The following ARHGEF28 variants were observed in gnomAD, a reference collection of about 807,000 sequenced individuals.
ARHGEF28 encodes Rho guanine nucleotide exchange factor 28.
Under a neutral mutation model 206.6 loss-of-function variants are expected in ARHGEF28, and 152 were observed. The ratio of observed to expected loss-of-function variants is 0.74; its 90% CI spans 0.64 to 0.84. The LOEUF is 0.84. ARHGEF28 is among the 40% of genes least tolerant of loss of function. The probability of loss-of-function intolerance (pLI) is 0.00; values close to 1 mark genes in which losing one functional copy is unlikely to be tolerated. For synonymous variants in ARHGEF28, 763 were observed against 776.4 expected (o/e 0.98, Z 0.29); for missense variants, 2,028 against 2,073.2 (o/e 0.98, Z 0.42).
chr5:73,773,249 C>G (rs1441762502), intron 4 of ARHGEF28, among the ~76,000 whole-genome samples: 1 of 152,198 alleles, frequency 6.6e-6, no homozygotes, highest in Non-Finnish European at 1.5e-5. Context: ...AGGGGCCTTA[C>G]AGGTCGAGCC....
intron 9 of ARHGEF28, among the ~76,000 whole-genome samples, chr5:73,798,786 G>A (rs896495676): frequency 1.1e-4 from 17 of 152,184 alleles, no homozygotes; most frequent in Admixed American, 8.5e-4. Context: ...GGCACTAAAC[G>A]TGATTAAGAA....
chr5:73,940,853 C>A lies in ARHGEF28; in HGVS notation c.4958C>A (p.Thr1653Asn). 6.6e-7 allele frequency: 1 copy of A among 1,512,668 alleles called. No individual in the cohort carries two copies. Among genetic ancestry groups the A allele is most frequent in the Admixed American group, 2.2e-5 (1 of 45,870 alleles). 93.7% of individuals were successfully genotyped at this position (1,512,668 alleles called of 1,614,324 possible). ...SKDSCKNDLD[T>N]SHTESPTPHD... ...TGTCTGTTTCTTGCAGATTTGGACA[C>A]CTCCCACACTGAGTCCCCAACCCCC... Residue 1653 changes from threonine to asparagine, a missense_variant, in exon 36 of 36, where the codon ACC becomes AAC. Thr to Asn is a moderately conservative substitution (Grantham distance 65). Around this residue, in one of 3 missense-constraint regions of ARHGEF28, gnomAD observed 803 missense variants for 768.0 expected, o/e 1.05. Transcript: ENST00000513042.
intron 1 of ARHGEF28, among the ~76,000 whole-genome samples, chr5:73,633,407 G>A (rs1203169071): frequency 6.6e-6 from 1 of 152,010 alleles, no homozygotes; most frequent in East Asian, 1.9e-4. Flanking sequence ...GGAGACTCAT[G>A]GCCTGCTGCT....
chr5:73,796,059 A>G (rs1754786350), intron 9 of ARHGEF28, among the ~76,000 whole-genome samples: 1 of 152,064 alleles, frequency 6.6e-6, no homozygotes, highest in Non-Finnish European at 1.5e-5. Flanking sequence ...CCTCCCAGGT[A>G]CTCTCTATTT....
At chr5:73,877,085 G>A (rs1760557061) in intron 22 of ARHGEF28, among the ~76,000 whole-genome samples, 1 of 118,960 alleles carries the variant, frequency 8.4e-6, no homozygotes, top group African/African-American at 3.5e-5. Context: ...ATTGATTATT[G>A]CCCCAATTTC....
intron 9 of ARHGEF28, among the ~76,000 whole-genome samples, chr5:73,826,908 G>A (rs1756948270): frequency 6.6e-6 from 1 of 152,210 alleles, no homozygotes; most frequent in Non-Finnish European, 1.5e-5. Context: ...GTGAGAATAG[G>A]AGAGAGGAGA....
intron 35 of ARHGEF28, among the ~76,000 whole-genome samples, chr5:73,919,518 A>G (rs402487): frequency 0.1 from 15,659 of 152,234 alleles, 1,032 homozygotes; most frequent in South Asian, 0.21. Context: ...CTCTGACAAC[A>G]TGACTGAACA....
intron 4 of ARHGEF28, among the ~76,000 whole-genome samples, chr5:73,770,725 A>T (rs1476273391): frequency 6.6e-6 from 1 of 152,204 alleles, no homozygotes; most frequent in African/African-American, 2.4e-5. Context: ...ACTGAATGAG[A>T]AAGCTCTCTC....
chr5:73,904,474 C>G (rs1762445136), intron 33 of ARHGEF28, 69 bp downstream of exon 33: 1 of 1,464,986 alleles, frequency 6.8e-7, no homozygotes, highest in East Asian at 2.3e-5. Flanking sequence ...TGATGATTCC[C>G]AGACTTTAAA....
At chr5:73,708,432 C>T (rs532380931) in intron 2 of ARHGEF28, among the ~76,000 whole-genome samples, 86 of 152,220 alleles carry the variant, frequency 5.6e-4, no homozygotes, top group Middle Eastern at 3.4e-3. Context: ...TTAGCTCCCA[C>T]TTATACTTGG....
chr5:73,716,182 A>G (rs891525622), intron 2 of ARHGEF28, among the ~76,000 whole-genome samples: 4 of 152,100 alleles, frequency 2.6e-5, no homozygotes, highest in Admixed American at 6.5e-5. Flanking sequence ...TCCTAAATTA[A>G]TGTTGTCACC....
chr5:73,833,766 G>A (rs972769201), intron 10 of ARHGEF28, among the ~76,000 whole-genome samples: 1 of 152,078 alleles, frequency 6.6e-6, no homozygotes, highest in African/African-American at 2.4e-5. Context: ...AAATAATGGC[G>A]GAAGATACCT....
rs769853685 is a variant in ARHGEF28, at chr5:73,870,196, G to A, written c.2553G>A (p.Gln851=). The A allele has an allele frequency of 1.9e-6, 3 of 1,613,626 alleles. No homozygotes were observed. The highest frequency in any genetic ancestry group is 1.1e-5 in the South Asian group (1 of 90,984). The change falls in exon 21 of 36, where the codon CAG becomes CAA. Residue 851 remains glutamine, a synonymous_variant. Transcript: ENST00000513042. Reference sequence around the variant, plus strand: ...AGGAGAAGGATGTCATCAAAAGACAGGATGTCATTTTTGGTAAGCGTTTCA... The same window carrying A: ...AGGAGAAGGATGTCATCAAAAGACAAGATGTCATTTTTGGTAAGCGTTTCA... ...NRQEKDVIKR[Q]DVIFELMQTE... is the part of the protein sequence containing the mutation.
intron 2 of ARHGEF28, among the ~76,000 whole-genome samples, chr5:73,686,174 T>C (rs987301228): frequency 6.6e-6 from 1 of 152,092 alleles, no homozygotes; most frequent in African/African-American, 2.4e-5. Context: ...AATGTGCCTG[T>C]AGACAGTTGG....
chr5:73,667,034 G>A (rs1359131838), intron 1 of ARHGEF28, among the ~76,000 whole-genome samples: 1 of 150,024 alleles, frequency 6.7e-6, no homozygotes, highest in Non-Finnish European at 1.5e-5. Context: ...CCACTCCGTG[G>A]TTGGTGGTCT....
At chr5:73,647,697 A>G (rs1294592162) in intron 1 of ARHGEF28, among the ~76,000 whole-genome samples, 1 of 152,256 alleles carries the variant, frequency 6.6e-6, no homozygotes, top group Admixed American at 6.5e-5. Flanking sequence ...GAACAGCTTT[A>G]GCTGGTTAGC....
At chr5:73,741,445 A>C (rs1052596521) in intron 2 of ARHGEF28, among the ~76,000 whole-genome samples, 1 of 113,836 alleles carries the variant, frequency 8.8e-6, no homozygotes, top group African/African-American at 3.4e-5. Flanking sequence ...ATATATATGT[A>C]TACTCACTCT....
At chr5:73,690,088 C>A (rs1439324145) in intron 2 of ARHGEF28, among the ~76,000 whole-genome samples, 1 of 149,120 alleles carries the variant, frequency 6.7e-6, no homozygotes, top group Non-Finnish European at 1.5e-5. Flanking sequence ...TTCACGTTGC[C>A]GTGAGAAAGT....
chr5:73,840,669 A>G lies in ARHGEF28; in HGVS notation c.1336A>G (p.Met446Val), dbSNP rs1579969645. The change falls in exon 11 of 36, where the codon ATG (methionine) becomes GTG (valine). Residue 446 changes from methionine to valine, a missense_variant. Transcript: ENST00000513042. ...TAHTEAQQSF[M>V]SPSSSCASNL... Reference sequence around the variant, plus strand: ...ACACACTGAAGCCCAGCAGTCCTTCATGTCACCATCAAGTTCGTGTGCTTC... The same window carrying G: ...ACACACTGAAGCCCAGCAGTCCTTCGTGTCACCATCAAGTTCGTGTGCTTC... The G allele has an allele frequency of 2.5e-6, 4 of 1,613,672 alleles. No homozygotes were observed. In the East Asian group the frequency reaches 6.7e-5, roughly 27 times the overall value.
Sources: allele counts gnomAD v4.1 joint callset (sites outside exome capture counted in the v4.1 genomes callset), GRCh38; gene constraint gnomAD v4.1.1; regional missense constraint gnomAD v4.1.1; transcripts MANE v1.5; gene names NCBI Gene and HGNC (gene_info 2026-07-23, HGNC 2026-07-21).